PCDH15: variants seen among roughly 807,000 people sequenced by gnomAD.
PCDH15 encodes the protein protocadherin related 15.
Under a neutral mutation model 178.5 loss-of-function variants are expected in PCDH15, and 129 were observed. The ratio of observed to expected loss-of-function variants is 0.72; its 90% CI spans 0.63 to 0.84. The LOEUF is 0.84. Ranked by LOEUF, PCDH15 falls within the 40% of genes least tolerant of loss-of-function variation. PCDH15 has a pLI of 0.00. For missense variants in PCDH15, 2,230 were observed against 2,099.9 expected (o/e 1.06, Z -1.21); for synonymous variants, 800 against 732.0 (o/e 1.09, Z -1.50).
At chr10:54,988,298 A>G (rs1038686444) in intron 2 of PCDH15, among the ~76,000 whole-genome samples, 3 of 152,168 alleles carry the variant, frequency 2.0e-5, no homozygotes, top group African/African-American at 7.2e-5. Context: ...GTTTGAAGTC[A>G]GGTAGCATGA....
intron 1 of PCDH15, among the ~76,000 whole-genome samples, chr10:55,195,653 T>TAAAAAAAA: frequency 8.5e-6 from 1 of 118,140 alleles, no homozygotes. Context: ...AAACTCCATC[T>TAAAAAAAA]AAAAAAAAAA....
At chr10:54,016,942 C>A (rs991498845) in intron 20 of PCDH15, among the ~76,000 whole-genome samples, 1 of 152,124 alleles carries the variant, frequency 6.6e-6, no homozygotes, top group African/African-American at 2.4e-5. Flanking sequence ...ATTACTCACC[C>A]GACCATTCCC....
At chr10:53,998,764 C>T (rs182902040) in intron 20 of PCDH15, among the ~76,000 whole-genome samples, 4 of 151,976 alleles carry the variant, frequency 2.6e-5, no homozygotes, top group East Asian at 1.9e-4. Flanking sequence ...TTAAAAATAA[C>T]GTGTAGGCTG....
intron 18 of PCDH15, among the ~76,000 whole-genome samples, chr10:54,037,632 A>T (rs989294024): frequency 1.3e-5 from 2 of 151,860 alleles, no homozygotes; most frequent in African/African-American, 2.4e-5. Flanking sequence ...GAAACCTAAA[A>T]CCTTATGTGA....
At chr10:54,004,426 C>CA (rs35001487) in intron 20 of PCDH15, among the ~76,000 whole-genome samples, 1,752 of 96,880 alleles carry the variant, frequency 0.018, 36 homozygotes, top group African/African-American at 0.04. Context: ...CACACACACA[C>CA]CACACAAAGT....
chr10:54,555,594 G>A (rs1030680668), intron 2 of PCDH15, among the ~76,000 whole-genome samples: 13 of 150,810 alleles, frequency 8.6e-5, no homozygotes, highest in South Asian at 4.2e-4. Flanking sequence ...AAAATTGGCC[G>A]GGTGTGGTGG....
intron 3 of PCDH15, among the ~76,000 whole-genome samples, chr10:54,387,588 G>C (rs933458199): frequency 2.0e-5 from 3 of 152,104 alleles, no homozygotes; most frequent in African/African-American, 7.2e-5. Context: ...TTTACCAAAT[G>C]ATCTTCAGGC....
At chr10:54,056,717 C>T (rs139613443) in intron 18 of PCDH15, among the ~76,000 whole-genome samples, 47 of 152,212 alleles carry the variant, frequency 3.1e-4, no homozygotes, top group African/African-American at 9.2e-4. Context: ...CCAATCATGC[C>T]TTCCAAAAGC....
intron 1 of PCDH15, among the ~76,000 whole-genome samples, chr10:54,781,370 G>A (rs373345440): frequency 6.6e-6 from 1 of 151,940 alleles, no homozygotes. Flanking sequence ...GAGATCCATA[G>A]TACTCACAAA....
chr10:53,808,312 CATAT>C lies in PCDH15; in HGVS notation c.4672-1186_4672-1183del, dbSNP rs1234259075. On this transcript the variant is annotated intron_variant, in intron 37 of 37. Coordinates refer to ENST00000644397, the MANE Select transcript of PCDH15 (RefSeq NM_001384140.1). ...TTTATTTTGAAAGATGATATAAAAA[CATAT>C]ATAGTGTGTGTGTGTATATATATAT... The C allele has an allele frequency of 2.3e-4, 116 of 509,688 alleles. 1 individual carries two copies. Among genetic ancestry groups the C allele is most frequent in the African/African-American group, 2.3e-3 (97 of 43,086 alleles). The allele number at this position is 509,688 out of a possible 1,614,324, so 31.6% of individuals were successfully genotyped here. A position where few individuals can be genotyped will look rare whatever the true frequency, so the allele number is the denominator to read the frequency against.
At chr10:55,578,746 T>C (rs1399090496) in intron 2 of PCDH15, among the ~76,000 whole-genome samples, 1 of 152,034 alleles carries the variant, frequency 6.6e-6, no homozygotes, top group East Asian at 1.9e-4. Flanking sequence ...CACAATCATG[T>C]TGGAAGGGGA....
chr10:54,727,000 A>G (rs942099133), intron 1 of PCDH15, among the ~76,000 whole-genome samples: 1 of 144,488 alleles, frequency 6.9e-6, no homozygotes, highest in Non-Finnish European at 1.5e-5. Context: ...GGGTATTAAC[A>G]TTAACCATGG....
At chr10:53,984,148 C>CTTTTTTTTTTTTTTTT (rs66540462) in intron 21 of PCDH15, among the ~76,000 whole-genome samples, 5 of 63,544 alleles carry the variant, frequency 7.9e-5, no homozygotes, top group African/African-American at 1.1e-4. Flanking sequence ...TTTTTCTTTT[C>CTTTTTTTTTTTTTTTT]TTTTTTTTTT....
chr10:55,195,708 A>C (rs527999128), intron 1 of PCDH15, among the ~76,000 whole-genome samples: 1 of 151,878 alleles, frequency 6.6e-6, no homozygotes, highest in Non-Finnish European at 1.5e-5. Context: ...ATTTAAACAA[A>C]ATGTATATCT....
At chr10:54,932,801 T>C (rs1053873661) in intron 2 of PCDH15, among the ~76,000 whole-genome samples, 1 of 152,074 alleles carries the variant, frequency 6.6e-6, no homozygotes, top group Non-Finnish European at 1.5e-5. Flanking sequence ...CCTCCTAAAG[T>C]GCTGGGATTA....
intron 3 of PCDH15, among the ~76,000 whole-genome samples, chr10:54,416,346 A>AC (rs1954387105): frequency 2.0e-5 from 3 of 151,466 alleles, no homozygotes; most frequent in Admixed American, 6.6e-5. Flanking sequence ...TCATTGTTCA[A>AC]CCCCCACTTA....
At chr10:54,210,735 CAAGTT>C (rs1826252697) in intron 10 of PCDH15, among the ~76,000 whole-genome samples, 1 of 151,536 alleles carries the variant, frequency 6.6e-6, no homozygotes, top group African/African-American at 2.4e-5. Flanking sequence ...AGAGGGTGTG[CAAGTT>C]AACTAGTGAG....
At chr10:53,858,882 G>T (rs1010336967) in intron 27 of PCDH15, among the ~76,000 whole-genome samples, 1 of 152,114 alleles carries the variant, frequency 6.6e-6, no homozygotes, top group African/African-American at 2.4e-5. Flanking sequence ...GGATATAGAA[G>T]TTGAATAGAA....
intron 30 of PCDH15, among the ~76,000 whole-genome samples, chr10:53,830,042 A>G (rs12247320): frequency 0.55 from 82,906 of 151,858 alleles, 23,674 homozygotes; most frequent in East Asian, 0.85. Flanking sequence ...GGTGGCTCAC[A>G]CCTGTAATCC....
Sources: allele counts gnomAD v4.1 joint callset (sites outside exome capture counted in the v4.1 genomes callset), GRCh38; gene constraint gnomAD v4.1.1; transcripts MANE v1.5; gene names NCBI Gene and HGNC (gene_info 2026-07-23, HGNC 2026-07-21).